The following CSMD3 variants were observed in gnomAD, a reference collection of about 807,000 sequenced individuals.
CSMD3 encodes the protein CUB and sushi domain-containing protein 3.
In CSMD3, 177 loss-of-function variants were observed where a neutral mutation model predicts 435.2. The observed-to-expected ratio is 0.41, with a 90% confidence interval of 0.36 to 0.46. The LOEUF (loss-of-function observed/expected upper bound fraction) is 0.46, where lower values mean the gene tolerates loss of function less well. Among genes scored for constraint, CSMD3 ranks in the 20% least tolerant of loss-of-function variants. The pLI, the probability that CSMD3 is intolerant of heterozygous loss-of-function variation, is 0.34. For synonymous variants in CSMD3, 1,656 were observed against 1,520.5 expected (o/e 1.09, Z -2.07); for missense variants, 4,265 against 4,504.6 (o/e 0.95, Z 1.52).
intron 32 of CSMD3, among the ~76,000 whole-genome samples, chr8:112,465,208 C>A (rs952848319): frequency 1.3e-5 from 2 of 152,134 alleles, no homozygotes; most frequent in Admixed American, 1.3e-4. Context: ...AATGCCCCCT[C>A]GTGGTGAATT....
At chr8:112,908,135 T>C (rs1351022121) in intron 10 of CSMD3, among the ~76,000 whole-genome samples, 1 of 151,534 alleles carries the variant, frequency 6.6e-6, no homozygotes, top group Non-Finnish European at 1.5e-5. Context: ...TTATTCATTA[T>C]TAATATTCAA....
At chr8:112,988,890 A>T in intron 6 of CSMD3, among the ~76,000 whole-genome samples, 1 of 152,204 alleles carries the variant, frequency 6.6e-6, no homozygotes, top group South Asian at 2.1e-4. Flanking sequence ...ATATATAATA[A>T]TCATAACAAC....
intron 9 of CSMD3, among the ~76,000 whole-genome samples, chr8:112,923,505 A>G (rs540286431): frequency 2.6e-4 from 39 of 152,236 alleles, no homozygotes; most frequent in African/African-American, 8.7e-4. Flanking sequence ...TTGCTGTTAT[A>G]TCAATCTGGA....
At chr8:112,808,790 T>A (rs979951543) in intron 12 of CSMD3, among the ~76,000 whole-genome samples, 52 of 152,012 alleles carry the variant, frequency 3.4e-4, no homozygotes, top group African/African-American at 1.2e-3. Context: ...TCTAGCCCCT[T>A]CTTCGAGGCC....
At chr8:112,296,666 A>C (rs1349097135) in intron 53 of CSMD3, among the ~76,000 whole-genome samples, 4 of 152,068 alleles carry the variant, frequency 2.6e-5, no homozygotes, top group Non-Finnish European at 5.9e-5. Context: ...TAGAAGAAAT[A>C]GAGATATAAA....
rs116694909 is a variant in CSMD3, at chr8:112,949,016, C to A, written c.1421-1139G>T. 6.7e-3 allele frequency among the ~76,000 whole-genome samples: 1,012 copies of A among 152,118 alleles called. 12 individuals are homozygous for A. The highest frequency in any genetic ancestry group is 0.023 in the African/African-American group (971 of 41,538). ...CTTTGGAATCCTGGACTCAAGCCAT[C>A]CTCTTGCCTTGGCCATCCAAGGTGC... is the stretch of plus-strand genomic sequence containing the variant. On this transcript the variant is annotated intron_variant, in intron 8 of 70. Transcript: ENST00000297405.
chr8:113,091,705 AT>A (rs1372006762), intron 5 of CSMD3, among the ~76,000 whole-genome samples: 1 of 118,298 alleles, frequency 8.5e-6, no homozygotes, highest in Non-Finnish European at 1.6e-5. Flanking sequence ...AACTTTGCCA[AT>A]TTTGTTTAAT....
chr8:112,799,688 A>G (rs1281508982), intron 13 of CSMD3, among the ~76,000 whole-genome samples: 1 of 151,958 alleles, frequency 6.6e-6, no homozygotes, highest in African/African-American at 2.4e-5. Flanking sequence ...CTTTACTGAC[A>G]CTGGGATGGG....
intron 5 of CSMD3, among the ~76,000 whole-genome samples, chr8:113,091,459 T>A (rs566370788): frequency 1.3e-5 from 2 of 152,240 alleles, no homozygotes; most frequent in African/African-American, 4.8e-5. Context: ...TTGTTATTGG[T>A]CTGTTCGGGC....
intron 36 of CSMD3, 96 bp from the exon 37 acceptor site, chr8:112,383,759 C>A: frequency 1.2e-6 from 1 of 812,280 alleles, no homozygotes; most frequent in South Asian, 1.4e-5. Context: ...AGTTCAAATC[C>A]TGAACCACAT....
chr8:113,304,689 TCA>T (rs1269426036), intron 2 of CSMD3, among the ~76,000 whole-genome samples: 1 of 131,982 alleles, frequency 7.6e-6, no homozygotes, highest in African/African-American at 2.9e-5. Context: ...CCGCATATTC[TCA>T]CTCATAGGTG....
At chr8:112,964,885 T>C (rs2130881149) in intron 7 of CSMD3, among the ~76,000 whole-genome samples, 1 of 152,078 alleles carries the variant, frequency 6.6e-6, no homozygotes, top group East Asian at 1.9e-4. Flanking sequence ...TCCTACGCAA[T>C]GCACCCTAAA....
At chr8:112,901,539 C>T (rs538703225) in intron 10 of CSMD3, among the ~76,000 whole-genome samples, 8 of 151,296 alleles carry the variant, frequency 5.3e-5, no homozygotes, top group Non-Finnish European at 8.9e-5. Flanking sequence ...CATTGTACTG[C>T]TCAAAACTGA....
At chr8:112,658,794 C>G (rs1276680238) in intron 17 of CSMD3, among the ~76,000 whole-genome samples, 1 of 152,002 alleles carries the variant, frequency 6.6e-6, no homozygotes, top group Non-Finnish European at 1.5e-5. Context: ...CCTGTCTCTA[C>G]TAAAAATACC....
intron 21 of CSMD3, among the ~76,000 whole-genome samples, chr8:112,637,222 C>T (rs1775538776): frequency 6.6e-6 from 1 of 151,846 alleles, no homozygotes; most frequent in South Asian, 2.1e-4. Context: ...TTGTGGTATT[C>T]AATATAGATG....
chr8:113,164,768 C>A (rs756456517), intron 4 of CSMD3, among the ~76,000 whole-genome samples: 1 of 151,894 alleles, frequency 6.6e-6, no homozygotes, highest in Non-Finnish European at 1.5e-5. Flanking sequence ...TAATATTACA[C>A]AGGAAAAAAA....
At chr8:112,739,703 G>GA (rs1241844594) in intron 13 of CSMD3, among the ~76,000 whole-genome samples, 4 of 151,630 alleles carry the variant, frequency 2.6e-5, no homozygotes, top group South Asian at 2.1e-4. Flanking sequence ...AATTATCAGA[G>GA]AAAAAATTGA....
At chr8:113,374,845 A>AAAAAAAAAAAAAAAAAAAG (rs2094370347) in intron 1 of CSMD3, among the ~76,000 whole-genome samples, 1 of 17,966 alleles carries the variant, frequency 5.6e-5, no homozygotes, top group African/African-American at 1.1e-4. Flanking sequence ...AAAAAAAAAA[A>AAAAAAAAAAAAAAAAAAAG]AACCAATAAA....
In CSMD3 at chr8:112,314,466, C is replaced by A. The variant is rs754710988; in HGVS notation, c.7512G>T (p.Gln2504His). 6.2e-7 allele frequency: 1 copy of A among 1,612,214 alleles called. No individual in the cohort carries two copies. Among genetic ancestry groups the A allele is most frequent in the Admixed American group, 1.7e-5 (1 of 59,996 alleles). Reference sequence around the variant, plus strand: ...GAAGAACATCAAATTCCTTTTCTGTCTGGAAGAATTCTACAAACATGGTGA... The same window carrying A: ...GAAGAACATCAAATTCCTTTTCTGTATGGAAGAATTCTACAAACATGGTGA... Reference protein sequence around the residue: ...YNITMFVEFFQTEKEFDVLQV... With the variant: ...YNITMFVEFFHTEKEFDVLQV... Residue 2504 changes from glutamine to histidine, a missense_variant, in exon 48 of 71, where the codon CAG becomes CAT. Physicochemically the swap from Gln to His is conservative, Grantham distance 24. Coordinates refer to ENST00000297405, the MANE Select transcript of CSMD3 (RefSeq NM_198123.2).
Sources: gnomAD v4.1 joint callset for allele counts (sites outside exome capture counted in the v4.1 genomes callset) on GRCh38, gnomAD v4.1.1 for gene constraint, MANE v1.5 for transcripts, NCBI Gene and HGNC (gene_info 2026-07-23, HGNC 2026-07-21) for gene names.